Variants in NCKAP5 observed in about 807,000 individuals in gnomAD.
The protein encoded by NCKAP5 is NCK associated protein 5.
Under a neutral mutation model 167.0 loss-of-function variants are expected in NCKAP5, and 92 were observed. That is an observed-to-expected ratio of 0.55 (90% CI 0.47 to 0.66). The LOEUF (loss-of-function observed/expected upper bound fraction) is 0.66. NCKAP5 is among the 30% of genes least tolerant of loss of function. The pLI is 0.00. For missense variants in NCKAP5, 2,378 were observed against 2,315.0 expected (o/e 1.03, Z -0.56); for synonymous variants, 891 against 877.4 (o/e 1.02, Z -0.27).
intron 8 of NCKAP5, among the ~76,000 whole-genome samples, chr2:132,958,861 C>T (rs2076418504): frequency 6.6e-6 from 1 of 151,968 alleles, no homozygotes; most frequent in Non-Finnish European, 1.5e-5. Flanking sequence ...TCTGCTACTA[C>T]CTCAATAAAC....
At chr2:133,669,873 A>T in the NCKAP5 span, among the ~76,000 whole-genome samples, 2 of 152,202 alleles carry the variant, frequency 1.3e-5, no homozygotes, top group African/African-American at 4.8e-5. Flanking sequence ...TTTAGTGCTG[A>T]TATTCAGCAA....
At chr2:132,940,522 T>G (rs980166178) in intron 8 of NCKAP5, among the ~76,000 whole-genome samples, 1 of 151,992 alleles carries the variant, frequency 6.6e-6, no homozygotes, top group Non-Finnish European at 1.5e-5. Flanking sequence ...GAGCAAAAAG[T>G]AATATAGAAA....
chr2:133,130,969 T>C (rs376670869), intron 5 of NCKAP5, among the ~76,000 whole-genome samples: 73 of 152,182 alleles, frequency 4.8e-4, no homozygotes, highest in African/African-American at 1.7e-3. Flanking sequence ...ATACATGCAA[T>C]GTCTGATCAT....
At chr2:133,095,745 A>G (rs1194765806) in intron 6 of NCKAP5, among the ~76,000 whole-genome samples, 1 of 152,244 alleles carries the variant, frequency 6.6e-6, no homozygotes, top group Non-Finnish European at 1.5e-5. Context: ...ATAATAGCAC[A>G]TACATCATGA....
intron 3 of NCKAP5, among the ~76,000 whole-genome samples, chr2:133,471,220 C>T (rs1474841414): frequency 1.3e-5 from 2 of 152,240 alleles, no homozygotes; most frequent in East Asian, 3.9e-4. Flanking sequence ...GGTGCACACC[C>T]CTCTTTTGTG....
chr2:132,869,518 G>A (rs1343504883), intron 9 of NCKAP5, among the ~76,000 whole-genome samples: 1 of 152,142 alleles, frequency 6.6e-6, no homozygotes, highest in African/African-American at 2.4e-5. Context: ...GTTGCTACCT[G>A]TAATATAATC....
chr2:133,170,437 G>T (rs1193563675), intron 5 of NCKAP5, among the ~76,000 whole-genome samples: 1 of 152,170 alleles, frequency 6.6e-6, no homozygotes, highest in Non-Finnish European at 1.5e-5. Context: ...ATAATGGTTT[G>T]TCATCATCAT....
intron 3 of NCKAP5, among the ~76,000 whole-genome samples, chr2:133,424,431 G>A (rs573281395): frequency 5.9e-5 from 9 of 152,276 alleles, no homozygotes; most frequent in East Asian, 5.8e-4. Flanking sequence ...AAATAATTAC[G>A]CATCTTGTCT....
the NCKAP5 span, among the ~76,000 whole-genome samples, chr2:133,606,565 C>G: frequency 6.6e-6 from 1 of 152,166 alleles, no homozygotes; most frequent in Non-Finnish European, 1.5e-5. Flanking sequence ...ATGAAAATCT[C>G]TAAAACAATC....
chr2:133,549,474 A>C (rs13339785), intron 2 of NCKAP5, among the ~76,000 whole-genome samples: 92,652 of 123,610 alleles, frequency 0.75, 33,868 homozygotes, highest in East Asian at 0.95. Context: ...TGGAAACTGA[A>C]CAACCTGCTC....
At chr2:133,031,073 C>A (rs1008251019) in intron 6 of NCKAP5, among the ~76,000 whole-genome samples, 1 of 151,978 alleles carries the variant, frequency 6.6e-6, no homozygotes, top group Admixed American at 6.6e-5. Context: ...CGATTGTTCC[C>A]CCTACAAGGA....
chr2:133,253,307 C>A (rs932312427), intron 4 of NCKAP5, among the ~76,000 whole-genome samples: 4 of 152,198 alleles, frequency 2.6e-5, no homozygotes, highest in Non-Finnish European at 4.4e-5. Flanking sequence ...TTCTGCCGGA[C>A]CTTTACATAA....
chr2:133,239,287 G>A (rs1371462779), intron 4 of NCKAP5, among the ~76,000 whole-genome samples: 3 of 152,108 alleles, frequency 2.0e-5, no homozygotes, highest in Non-Finnish European at 1.5e-5. Flanking sequence ...CAATTTCAGT[G>A]AATAGCTCAG....
At chr2:132,711,360 A>T (rs1015224617) in intron 19 of NCKAP5, among the ~76,000 whole-genome samples, 21 of 152,250 alleles carry the variant, frequency 1.4e-4, no homozygotes, top group African/African-American at 5.1e-4. Flanking sequence ...ATAATAACAT[A>T]GCCAGCATCA....
intron 3 of NCKAP5, among the ~76,000 whole-genome samples, chr2:133,511,276 G>C (rs1048024478): frequency 1.9e-4 from 29 of 152,150 alleles, no homozygotes; most frequent in African/African-American, 7.0e-4. Context: ...GCTCCCTCAA[G>C]ACTTGCAGCA....
intron 3 of NCKAP5, among the ~76,000 whole-genome samples, chr2:133,441,265 C>T (rs1271852594): frequency 2.0e-5 from 3 of 152,154 alleles, no homozygotes; most frequent in South Asian, 4.1e-4. Flanking sequence ...ATGGAGTTGA[C>T]GCTATACCTG....
Position 133,103,643 on chromosome 2 carries a change from T to C in NCKAP5, c.341+26335A>G, listed in dbSNP as rs535029865. Among the ~76,000 whole-genome samples the C allele has an allele frequency of 5.7e-4, 87 of 152,156 alleles. 2 individuals are homozygous for C. The South Asian group carries it at 0.017, about 29-fold the overall frequency. ...ACCCTGTCTCTACAAAGTTAAAAAA[T>C]TGACTGGGCGTGGTACTCCAGCTAC... On this transcript the variant is annotated intron_variant, in intron 6 of 19. Coordinates refer to ENST00000409261, the MANE Select transcript of NCKAP5 (RefSeq NM_207363.3).
chr2:132,931,996 A>C (rs2149059395), intron 8 of NCKAP5, among the ~76,000 whole-genome samples: 1 of 152,346 alleles, frequency 6.6e-6, no homozygotes, highest in South Asian at 2.1e-4. Context: ...ACCGTACAGG[A>C]AAAACTTTAT....
chr2:133,376,360 C>G (rs1686142498), intron 3 of NCKAP5, among the ~76,000 whole-genome samples: 1 of 152,182 alleles, frequency 6.6e-6, no homozygotes, highest in Admixed American at 6.5e-5. Flanking sequence ...CAGCCCCTCA[C>G]ACAAACAAGG....
Sources: gnomAD v4.1 joint callset for allele counts (sites outside exome capture counted in the v4.1 genomes callset) on GRCh38, gnomAD v4.1.1 for gene constraint, MANE v1.5 for transcripts, NCBI Gene and HGNC (gene_info 2026-07-23, HGNC 2026-07-21) for gene names.